Variants in PORCN observed in about 807,000 individuals in gnomAD.
PORCN encodes the protein protein-serine O-palmitoleoyltransferase porcupine.
Under a neutral mutation model 43.0 loss-of-function variants are expected in PORCN, and 1 was observed. The observed-to-expected ratio is 0.02, with a 90% CI of 0.01 to 0.11. PORCN has a LOEUF of 0.11. PORCN is among the 10% of genes least tolerant of loss of function. The probability of loss-of-function intolerance (pLI) is 1.00; values close to 1 mark genes in which losing one functional copy is unlikely to be tolerated. For missense variants in PORCN, 240 were observed against 392.1 expected, an observed-to-expected ratio of 0.61 and a Z score of 3.28; for synonymous variants, 148 against 166.4, an observed-to-expected ratio of 0.89 and a Z score of 0.85.
At chrX:48,517,760 A>C (rs2061729579) in intron 14 of PORCN, among the ~76,000 whole-genome samples, 1 of 111,018 alleles carries the variant, frequency 9.0e-6, no homozygotes, top group Admixed American at 9.6e-5. Flanking sequence ...TGGAGGTCAC[A>C]GTGAGCCCAT....
intron 10 of PORCN, 84 bp from the exon 11 acceptor site, chrX:48,515,633 G>A (rs2061710181): frequency 1.3e-6 from 1 of 777,785 alleles, no homozygotes; most frequent in Non-Finnish European, 2.0e-6. Flanking sequence ...AACAGGTTGT[G>A]GGTATTCTCA....
At chrX:48,511,043 C>G (rs1366294178) in intron 2 of PORCN, among the ~76,000 whole-genome samples, 1 of 111,867 alleles carries the variant, frequency 8.9e-6, no homozygotes, top group African/African-American at 3.3e-5. Context: ...TCTTTAAACC[C>G]AGGCCCTGCC....
chrX:48,520,747 G>T lies in PORCN; in HGVS notation c.*271G>T. 1 of 398,894 alleles carries T rather than the reference G, an allele frequency of 2.5e-6. No homozygotes were observed. Among genetic ancestry groups the T allele is most frequent in the Non-Finnish European group, 4.4e-6 (1 of 226,415 alleles). 32.9% of individuals were successfully genotyped at this position (398,894 alleles called of 1,213,427 possible). Reference sequence around the variant, plus strand: ...AGAAGGGGAGATCCAGGGCCTCCCCGCCTTCCTTCTTCCTTTTTATATACA... The same window carrying T: ...AGAAGGGGAGATCCAGGGCCTCCCCTCCTTCCTTCTTCCTTTTTATATACA... On this transcript the variant is annotated 3_prime_UTR_variant, in exon 15 of 15. Coordinates refer to ENST00000326194, the MANE Select transcript of PORCN (RefSeq NM_203475.3).
At chrX:48,509,418 A>G in intron 1 of PORCN, 1 of 688,387 alleles carries the variant, frequency 1.5e-6, no homozygotes, top group Non-Finnish European at 1.9e-6. Context: ...TCTGCCCTCC[A>G]CTCAGAGCGA....
intron 14 of PORCN, among the ~76,000 whole-genome samples, chrX:48,520,173 G>C (rs977181268): frequency 1.1e-4 from 12 of 112,011 alleles, no homozygotes; most frequent in African/African-American, 3.9e-4. Flanking sequence ...TAACAGGTCA[G>C]AGAATGGGAT....
chrX:48,512,253 A>C, intron 4 of PORCN, 73 bp from the exon 5 acceptor site: 1 of 1,125,760 alleles, frequency 8.9e-7, no homozygotes, highest in Non-Finnish European at 1.2e-6. Context: ...ACCACATCTC[A>C]CCTGGTGCAC....
In PORCN at chrX:48,512,616, C is replaced by T. The variant is rs1556974201; in HGVS notation, c.583C>T (p.Arg195Trp). 6 of 1,210,567 alleles carry T rather than the reference C, an allele frequency of 5.0e-6. No homozygotes were observed. The highest frequency in any genetic ancestry group is 6.7e-6 in the Non-Finnish European group (6 of 894,974). Reference protein sequence around the residue: ...LSCRWLQKVARSLALALLCLV... With the variant: ...LSCRWLQKVAWSLALALLCLV... The stretch of plus-strand genomic sequence containing the variant: ...CTGCCGGTGGCTGCAGAAGGTGGCC[C>T]GGAGCCTGGCACTGGCCCTGCTGTG... Residue 195 changes from arginine to tryptophan, a missense_variant, in exon 6 of 15, where the codon CGG (arginine) becomes TGG (tryptophan). Physicochemically the swap from Arg to Trp is moderately radical, Grantham distance 101. Transcript: ENST00000326194.
chrX:48,514,437 TCC>T, intron 9 of PORCN, 72 bp downstream of exon 9: 1 of 1,192,254 alleles, frequency 8.4e-7, no homozygotes, highest in Non-Finnish European at 1.1e-6. Context: ...GGGCGGGTGC[TCC>T]CAGGGGAGGG....
chrX:48,519,100 C>T (rs1025684987), intron 14 of PORCN, among the ~76,000 whole-genome samples: 1 of 111,393 alleles, frequency 9.0e-6, no homozygotes, highest in Non-Finnish European at 1.9e-5. Context: ...AAAAGATTTG[C>T]TCCCACCCTC....
chrX:48,510,009 A>G, intron 2 of PORCN, 53 bp downstream of exon 2: 1 of 983,432 alleles, frequency 1.0e-6, no homozygotes, highest in Non-Finnish European at 1.4e-6. Flanking sequence ...CAGACCTCCC[A>G]CATTCATCCA....
chrX:48,515,402 T>C, intron 10 of PORCN: 1 of 362,997 alleles, frequency 2.8e-6, no homozygotes, highest in Non-Finnish European at 4.9e-6. Context: ...TTCTGGCATA[T>C]TCTGAAGGTG....
chrX:48,509,209 T>G (rs1366895438), intron 1 of PORCN, 106 bp downstream of exon 1: 1 of 197,218 alleles, frequency 5.1e-6, no homozygotes, highest in Non-Finnish European at 9.7e-6. Context: ...CCATCACCTT[T>G]CCGACTCTCC....
intron 10 of PORCN, among the ~76,000 whole-genome samples, chrX:48,514,832 A>T (rs782099653): frequency 8.9e-6 from 1 of 111,992 alleles, no homozygotes; most frequent in South Asian, 3.7e-4. Flanking sequence ...GGTTAAAAAA[A>T]AAAATTTTTA....
intron 5 of PORCN, 34 bp from the exon 6 acceptor site, chrX:48,512,555 G>A: frequency 8.3e-7 from 1 of 1,209,433 alleles, no homozygotes; most frequent in Non-Finnish European, 1.1e-6. Flanking sequence ...GAGCCACCCT[G>A]GGGCAGCACT....
chrX:48,512,824 T>C lies in PORCN; in HGVS notation c.687-11T>C. ...TCTCTTAATGCTTCTTTCTGTCTTC[T>C]GTTACTACAGCAAGAAACGCAAAGC... On this transcript the variant is annotated splice_polypyrimidine_tract_variant and intron_variant, in intron 6 of 14. Transcript: ENST00000326194. 1.6e-6 allele frequency: 2 copies of C among 1,212,309 alleles called. No individual in the cohort carries two copies. Among genetic ancestry groups the C allele is most frequent in the Non-Finnish European group, 2.2e-6 (2 of 895,598 alleles).
rs2061753124 is a variant in PORCN, at chrX:48,520,590, A to G, written c.*114A>G. ...TGACCCCCTCCATCCTTGACCCCCA[A>G]CACCTCAACACACACACACACACAC... On this transcript the variant is annotated 3_prime_UTR_variant, in exon 15 of 15. Transcript: ENST00000326194. 3.9e-6 allele frequency: 2 copies of G among 516,519 alleles called. No homozygotes were observed. Among genetic ancestry groups the G allele is most frequent in the Non-Finnish European group, 3.4e-6 (1 of 291,246 alleles). The allele number at this position is 516,519 out of a possible 1,213,427, so 42.6% of individuals were successfully genotyped here. A position where few individuals can be genotyped will look rare whatever the true frequency, so the allele number is the denominator to read the frequency against.
intron 10 of PORCN, 28 bp from the exon 11 acceptor site, chrX:48,515,689 A>AT (rs1556975084): frequency 8.5e-7 from 1 of 1,181,325 alleles, no homozygotes. Flanking sequence ...TTTCAGGAGA[A>AT]TTTTATCCCA....
intron 10 of PORCN, chrX:48,515,507 G>T: frequency 4.4e-6 from 2 of 456,070 alleles, no homozygotes; most frequent in Non-Finnish European, 3.9e-6. Flanking sequence ...CTGGAAACGT[G>T]GAGTTGACAT....
intron 14 of PORCN, among the ~76,000 whole-genome samples, chrX:48,519,775 C>T (rs1390035991): frequency 8.9e-6 from 1 of 112,302 alleles, no homozygotes; most frequent in Non-Finnish European, 1.9e-5. Context: ...GCAGGCAGAT[C>T]ACTTGAGGTC....
Sources: gnomAD v4.1 joint callset for allele counts (sites outside exome capture counted in the v4.1 genomes callset) on GRCh38, gnomAD v4.1.1 for gene constraint, MANE v1.5 for transcripts, NCBI Gene and HGNC (gene_info 2026-07-23, HGNC 2026-07-21) for gene names.